BOD1L1: variants seen among roughly 807,000 people sequenced by gnomAD.
BOD1L1 encodes biorientation of chromosomes in cell division protein 1-like 1.
BOD1L1 carries 86 observed loss-of-function variants against 240.7 expected under a neutral mutation model. The ratio of observed to expected loss-of-function variants is 0.36; its 90% CI spans 0.30 to 0.43. BOD1L1 has a LOEUF of 0.43. Among genes scored for constraint, BOD1L1 ranks in the 20% least tolerant of loss-of-function variants. BOD1L1 has a pLI of 1.00. For synonymous variants in BOD1L1, 1,268 were observed against 1,272.3 expected, an observed-to-expected ratio of 1.00 and a Z score of 0.07; for missense variants, 3,554 against 3,643.5, an observed-to-expected ratio of 0.98 and a Z score of 0.63.
intron 2 of BOD1L1, 110 bp downstream of exon 2, chr4:13,619,833 A>T: frequency 7.4e-7 from 1 of 1,342,420 alleles, no homozygotes. Flanking sequence ...CAAATCCAGT[A>T]AAATTGTCAA....
At chr4:13,623,824 T>C (rs1392408824) in intron 1 of BOD1L1, 2 of 152,298 alleles carry the variant, frequency 1.3e-5, no homozygotes, top group Non-Finnish European at 2.9e-5. Context: ...TATAACTCTA[T>C]ATGCTACAAG....
chr4:13,617,269 G>GA (rs1716688274), intron 2 of BOD1L1, among the ~76,000 whole-genome samples: 1 of 139,568 alleles, frequency 7.2e-6, no homozygotes, highest in African/African-American at 2.9e-5. Context: ...ATAGAAAATA[G>GA]AAAAAAAAGT....
chr4:13,621,870 T>C (rs1163487790), intron 1 of BOD1L1, among the ~76,000 whole-genome samples: 1 of 144,904 alleles, frequency 6.9e-6, no homozygotes, highest in African/African-American at 2.5e-5. Flanking sequence ...TTAATTCTTT[T>C]TTTTTTTTTT....
At chr4:13,587,571 T>G (rs942639785) in intron 16 of BOD1L1, 128 bp downstream of exon 16, 2 of 681,150 alleles carry the variant, frequency 2.9e-6, no homozygotes, top group African/African-American at 3.6e-5. Flanking sequence ...TAGAAACAAA[T>G]TAGCCTCAAG....
chr4:13,575,849 T>C (rs544562397), intron 25 of BOD1L1, among the ~76,000 whole-genome samples: 1 of 151,588 alleles, frequency 6.6e-6, no homozygotes, highest in Non-Finnish European at 1.5e-5. Context: ...AATGCTTGTT[T>C]AAACAAAGTT....
In BOD1L1 at chr4:13,586,481, A is replaced by G; in HGVS notation, c.8354-6T>C. ...CAGGACATCTGGATTATCATCTGTAAATCAGTTTAGACAGAATCACAAAGG... is the reference window on the plus strand; with the variant it reads ...CAGGACATCTGGATTATCATCTGTAGATCAGTTTAGACAGAATCACAAAGG... On this transcript the variant is annotated splice_polypyrimidine_tract_variant and splice_region_variant and intron_variant, in intron 16 of 25. Transcript: ENST00000040738. The G allele has an allele frequency of 6.3e-7, 1 of 1,590,476 alleles. No homozygotes were observed. The highest frequency in any genetic ancestry group is 2.2e-5 in the East Asian group (1 of 44,650).
At position 13,581,000 on chromosome 4, in the gene BOD1L1, C is replaced by T. The variant is rs189559596; in HGVS notation, c.8703+20G>A. On this transcript the variant is annotated intron_variant, in intron 21 of 25. Coordinates refer to ENST00000040738, the MANE Select transcript of BOD1L1 (RefSeq NM_148894.3). ...GTTAAGAGCAAGTATTTGAAATTGT[C>T]ATGTTTTGCAATTACTTACAGTGAC... is the stretch of plus-strand genomic sequence containing the variant. 143 of 1,564,870 alleles carry T rather than the reference C, an allele frequency of 9.1e-5. No homozygotes were observed. The African/African-American group carries it at 1.6e-3, about 18-fold the overall frequency.
At chr4:13,576,248 A>G (rs1712726637) in intron 25 of BOD1L1, among the ~76,000 whole-genome samples, 1 of 152,138 alleles carries the variant, frequency 6.6e-6, no homozygotes, top group Admixed American at 6.5e-5. Flanking sequence ...TAACTGAGGA[A>G]GGAGAGAGAA....
rs1381899429 is a variant in BOD1L1 at position 13,570,245 on chromosome 4, CAG to C, written c.9039-119_9039-118del. On this transcript the variant is annotated intron_variant, in intron 25 of 25. Transcript: ENST00000040738. ...CTTGACAGCTAAGAAGAGAAAAACC[CAG>C]TAACATTTATACATGAAAAGGAGCT... 6 of 672,710 alleles carry C rather than the reference CAG, an allele frequency of 8.9e-6. No homozygotes were observed. The East Asian group carries it at 2.0e-4, about 23-fold the overall frequency. 41.7% of individuals were successfully genotyped at this position (672,710 alleles called of 1,614,324 possible).
chr4:13,577,781 C>T, intron 22 of BOD1L1, 150 bp from the exon 23 acceptor site: 1 of 605,284 alleles, frequency 1.7e-6, no homozygotes, highest in Non-Finnish European at 2.9e-6. Context: ...AAGATAGAAT[C>T]AGAATACCTA....
chr4:13,607,743 A>G (rs1577362799), intron 8 of BOD1L1, among the ~76,000 whole-genome samples: 1 of 152,202 alleles, frequency 6.6e-6, no homozygotes, highest in East Asian at 1.9e-4. Context: ...TACAGCTGAA[A>G]CAAAAATTCC....
At chr4:13,615,527 A>T (rs753319683) in intron 2 of BOD1L1, 25 bp from the exon 3 acceptor site, 4 of 1,558,810 alleles carry the variant, frequency 2.6e-6, no homozygotes, top group Non-Finnish European at 3.5e-6. Context: ...AATTTATGGA[A>T]AGGTGAAAAA....
intron 17 of BOD1L1, 43 bp downstream of exon 17, chr4:13,586,353 C>T: frequency 7.4e-7 from 1 of 1,348,788 alleles, no homozygotes; most frequent in Non-Finnish European, 1.1e-6. Flanking sequence ...TTAGGCCTCC[C>T]TACCCCCACC....
chr4:13,570,466 G>A (rs1008460553), intron 25 of BOD1L1, among the ~76,000 whole-genome samples: 10 of 152,088 alleles, frequency 6.6e-5, no homozygotes, highest in African/African-American at 2.2e-4. Context: ...TCAACAGCGG[G>A]TCCCACCAAT....
chr4:13,573,188 T>C (rs943859589), intron 25 of BOD1L1, among the ~76,000 whole-genome samples: 3 of 152,148 alleles, frequency 2.0e-5, no homozygotes, highest in Admixed American at 6.5e-5. Context: ...GAAAGTACAA[T>C]TCACAAGGCT....
rs771658324 is a variant in BOD1L1, at chr4:13,603,343, C to T, written c.3557G>A (p.Gly1186Glu). 4.2e-5 allele frequency: 68 copies of T among 1,613,876 alleles called. No individual in the cohort carries two copies. In the East Asian group the frequency reaches 1.3e-3, roughly 32 times the overall value. The change falls in exon 10 of 26, where the codon GGA becomes GAA. Residue 1186 changes from glycine (G) to glutamate (E), a missense_variant. Coordinates refer to ENST00000040738, the MANE Select transcript of BOD1L1 (RefSeq NM_148894.3). ...ATAPAYKPGRGTGVNSNSEKH... is the reference protein window; with the variant it reads ...ATAPAYKPGRETGVNSNSEKH... Reference sequence around the variant, plus strand: ...TTCAGAATTACTATTAACTCCTGTTCCACGGCCTGGCTTATAAGCTGGAGC... The same window carrying T: ...TTCAGAATTACTATTAACTCCTGTTTCACGGCCTGGCTTATAAGCTGGAGC...
intron 25 of BOD1L1, among the ~76,000 whole-genome samples, chr4:13,571,867 A>T (rs776270597): frequency 5.3e-5 from 8 of 152,224 alleles, no homozygotes; most frequent in African/African-American, 9.6e-5. Flanking sequence ...GGGTTAAATG[A>T]GAGCATGTAT....
intron 2 of BOD1L1, among the ~76,000 whole-genome samples, chr4:13,616,419 T>C (rs1372924828): frequency 1.3e-5 from 2 of 152,226 alleles, no homozygotes; most frequent in East Asian, 3.8e-4. Context: ...AAATATCATA[T>C]ACAAGAGACA....
chr4:13,599,132 A>G lies in BOD1L1; in HGVS notation c.7768T>C (p.Tyr2590His). 1 of 1,613,800 alleles carries G rather than the reference A, an allele frequency of 6.2e-7. No homozygotes were observed. The highest frequency in any genetic ancestry group is 8.5e-7 in the Non-Finnish European group (1 of 1,179,690). Residue 2590 changes from tyrosine (Y) to histidine (H), a missense_variant, in exon 10 of 26, where the codon TAC becomes CAC. Around this residue, in one of 2 missense-constraint regions of BOD1L1, gnomAD observed 3,393 missense variants for 3,427.1 expected, o/e 0.99. Transcript: ENST00000040738. Reference sequence around the variant, plus strand: ...TTAGGAGCCAACAGAGCTACACTGTAAGTAGCTGGAGGGATCATTGTGTGG... The same window carrying G: ...TTAGGAGCCAACAGAGCTACACTGTGAGTAGCTGGAGGGATCATTGTGTGG... Reference protein sequence around the residue: ...PSHTMIPPATYSVALLAPKCE... With the variant: ...PSHTMIPPATHSVALLAPKCE...
Sources: allele counts gnomAD v4.1 joint callset (sites outside exome capture counted in the v4.1 genomes callset), GRCh38; gene constraint gnomAD v4.1.1; regional missense constraint gnomAD v4.1.1; transcripts MANE v1.5; gene names NCBI Gene and HGNC (gene_info 2026-07-23, HGNC 2026-07-21).